BEND7: variants seen among roughly 807,000 people sequenced by gnomAD.
The protein encoded by BEND7 is BEN domain-containing protein 7.
In BEND7, 28 loss-of-function variants were observed where a neutral mutation model predicts 50.9. That is an observed-to-expected ratio of 0.55 (90% confidence interval 0.41 to 0.75). The LOEUF (loss-of-function observed/expected upper bound fraction) is 0.75, where lower values mean the gene tolerates loss of function less well. BEND7 is among the 30% of genes least tolerant of loss of function. The pLI, the probability that BEND7 is intolerant of heterozygous loss-of-function variation, is 0.00. For missense variants in BEND7, 477 were observed against 491.3 expected (o/e 0.97, Z 0.28); for synonymous variants, 170 against 183.9 (o/e 0.92, Z 0.61).
At chr10:13,501,425 A>G (rs2077456693) in intron 2 of BEND7, among the ~76,000 whole-genome samples, 1 of 152,112 alleles carries the variant, frequency 6.6e-6, no homozygotes, top group Non-Finnish European at 1.5e-5. Context: ...ATCAATAATA[A>G]TATCAGAGGA....
chr10:13,462,649 T>C (rs1458185346), intron 6 of BEND7, among the ~76,000 whole-genome samples: 1 of 151,752 alleles, frequency 6.6e-6, no homozygotes, highest in African/African-American at 2.4e-5. Context: ...GAGATGGAAA[T>C]AGAACAGATA....
chr10:13,513,958 A>C (rs1254777291), intron 2 of BEND7, among the ~76,000 whole-genome samples: 1 of 152,200 alleles, frequency 6.6e-6, no homozygotes, highest in Non-Finnish European at 1.5e-5. Context: ...ATTCAATCAG[A>C]ATCCAAGAAG....
chr10:13,452,517 T>C (rs1356384753), intron 7 of BEND7, 22 bp downstream of exon 7: 3 of 1,584,190 alleles, frequency 1.9e-6, no homozygotes, highest in East Asian at 2.3e-5. Context: ...TCTCCAATTA[T>C]TTTTCTGCAC....
intron 6 of BEND7, among the ~76,000 whole-genome samples, chr10:13,471,901 T>G (rs1187170676): frequency 6.6e-6 from 1 of 152,236 alleles, no homozygotes; most frequent in Non-Finnish European, 1.5e-5. Context: ...ACTGTTAGAC[T>G]TGAGGCCGAT....
chr10:13,503,428 TA>T (rs1280424032), intron 2 of BEND7, among the ~76,000 whole-genome samples: 3 of 152,238 alleles, frequency 2.0e-5, no homozygotes, highest in Admixed American at 2.0e-4. Context: ...ACACATCCTT[TA>T]AAGGATGGCA....
intron 8 of BEND7, 31 bp from the exon 9 acceptor site, chr10:13,441,781 A>T (rs756208688): frequency 2.5e-6 from 4 of 1,607,928 alleles, no homozygotes; most frequent in African/African-American, 2.7e-5. Context: ...GTTGTCAGGA[A>T]CGGGATTACT....
At chr10:13,458,465 T>A (rs1400092198) in intron 6 of BEND7, among the ~76,000 whole-genome samples, 1 of 152,252 alleles carries the variant, frequency 6.6e-6, no homozygotes, top group Non-Finnish European at 1.5e-5. Context: ...AGGAAGTCAC[T>A]GTGTCTAGCA....
chr10:13,445,413 C>T (rs995049201), intron 8 of BEND7: 1 of 152,142 alleles, frequency 6.6e-6, no homozygotes, highest in Non-Finnish European at 1.5e-5. Flanking sequence ...AAGAAACATG[C>T]AGAGAAAAGC....
chr10:13,501,781 G>A (rs1367286512), intron 2 of BEND7, among the ~76,000 whole-genome samples: 1 of 151,942 alleles, frequency 6.6e-6, no homozygotes, highest in African/African-American at 2.4e-5. Flanking sequence ...CGGAGGCAGA[G>A]GTTGCAGCGA....
At chr10:13,439,291 G>T (rs1564479691), downstream of BEND7, 17 of 1,614,072 alleles carry the variant, frequency 1.1e-5, no homozygotes, top group Non-Finnish European at 1.0e-5. Context: ...AGGAATGAAT[G>T]GTGCTTGAAG....
chr10:13,460,563 G>T lies in BEND7; in HGVS notation c.1064-7905C>A, dbSNP rs376869042. ...GCCCAGCAAGCCTGACTCTTCACGC[G>T]TCCTCAATGGCATATGACCCCCGTG... On this transcript the variant is annotated intron_variant, in intron 6 of 8. Coordinates refer to ENST00000466271, the MANE Select transcript of BEND7 (RefSeq NM_001369863.1). 2.6e-5 allele frequency among the ~76,000 whole-genome samples: 4 copies of T among 152,236 alleles called. No individual in the cohort carries two copies. The East Asian group carries it at 7.7e-4, about 29-fold the overall frequency.
chr10:13,507,120 C>T (rs1343698396), intron 2 of BEND7, among the ~76,000 whole-genome samples: 1 of 152,078 alleles, frequency 6.6e-6, no homozygotes, highest in East Asian at 1.9e-4. Context: ...GGGTGGAGGA[C>T]ATCTTATAGA....
intron 5 of BEND7, 33 bp from the exon 6 acceptor site, chr10:13,481,157 C>A (rs916838610): frequency 1.2e-6 from 2 of 1,606,494 alleles, no homozygotes; most frequent in Non-Finnish European, 1.7e-6. Flanking sequence ...TCATTAAAAG[C>A]AAGATTTGAA....
intron 5 of BEND7, among the ~76,000 whole-genome samples, chr10:13,484,793 A>G (rs981446258): frequency 3.4e-4 from 52 of 152,210 alleles, no homozygotes; most frequent in Non-Finnish European, 2.6e-4. Context: ...CTGAATTCCT[A>G]CTATAAATTT....
intron 2 of BEND7, among the ~76,000 whole-genome samples, chr10:13,502,402 C>G (rs1197862975): frequency 6.6e-6 from 1 of 152,024 alleles, no homozygotes; most frequent in African/African-American, 2.4e-5. Context: ...GAGAAATATT[C>G]TAATTTGAGA....
intron 5 of BEND7, among the ~76,000 whole-genome samples, chr10:13,490,569 C>T (rs1193223754): frequency 6.6e-6 from 1 of 152,214 alleles, no homozygotes; most frequent in Non-Finnish European, 1.5e-5. Flanking sequence ...ATGCATCTTC[C>T]TCCGGCTATC....
intron 5 of BEND7, among the ~76,000 whole-genome samples, chr10:13,483,125 G>A (rs2075984129): frequency 6.6e-6 from 1 of 152,076 alleles, no homozygotes; most frequent in Non-Finnish European, 1.5e-5. Context: ...GTGTGGTTCA[G>A]ACACTCTTAA....
At chr10:13,473,071 G>C (rs947584293) in intron 6 of BEND7, among the ~76,000 whole-genome samples, 4 of 151,592 alleles carry the variant, frequency 2.6e-5, no homozygotes, top group Non-Finnish European at 5.9e-5. Context: ...TCGCTATTAA[G>C]AGTAGGGACT....
chr10:13,455,303 G>A (rs1838698633), intron 6 of BEND7, among the ~76,000 whole-genome samples: 1 of 152,106 alleles, frequency 6.6e-6, no homozygotes, highest in Non-Finnish European at 1.5e-5. Flanking sequence ...CCAAGGAGAA[G>A]GTGGAGGCAG....
Sources: allele counts gnomAD v4.1 joint callset (sites outside exome capture counted in the v4.1 genomes callset), GRCh38; gene constraint gnomAD v4.1.1; transcripts MANE v1.5; gene names NCBI Gene and HGNC (gene_info 2026-07-23, HGNC 2026-07-21).